Variants in CHL1 observed in about 807,000 individuals in gnomAD.
The protein encoded by CHL1 is cell adhesion molecule L1 like.
In CHL1, 96 loss-of-function variants were observed where a neutral mutation model predicts 141.9. The observed-to-expected ratio is 0.68, with a 90% CI of 0.57 to 0.80. The LOEUF (loss-of-function observed/expected upper bound fraction) is 0.80. Ranked by LOEUF, CHL1 falls within the 30% of genes least tolerant of loss-of-function variation. CHL1 has a pLI of 0.00. For synonymous variants in CHL1, 613 were observed against 502.2 expected (o/e 1.22, Z -2.95); for missense variants, 1,820 against 1,457.2 (o/e 1.25, Z -4.05).
chr3:290,474 T>G (rs2125336725), intron 2 of CHL1, among the ~76,000 whole-genome samples: 1 of 152,332 alleles, frequency 6.6e-6, no homozygotes, highest in East Asian at 1.9e-4. Flanking sequence ...GAGCTCCTTT[T>G]AGTCATCAGA....
At chr3:403,025 G>C (rs932936231) in intron 27 of CHL1, among the ~76,000 whole-genome samples, 17 of 152,306 alleles carry the variant, frequency 1.1e-4, no homozygotes, top group African/African-American at 1.7e-4. Context: ...TTGCAGCAAG[G>C]TTTTGACCAG....
At chr3:355,134 T>G (rs1703601391) in intron 11 of CHL1, among the ~76,000 whole-genome samples, 1 of 152,196 alleles carries the variant, frequency 6.6e-6, no homozygotes. Flanking sequence ...GGGCACAGGT[T>G]CAAAGTCAGG....
At chr3:243,105 C>T (rs1179407438) in intron 1 of CHL1, among the ~76,000 whole-genome samples, 1 of 152,144 alleles carries the variant, frequency 6.6e-6, no homozygotes, top group Non-Finnish European at 1.5e-5. Context: ...CATTCTTTAT[C>T]ACTGGGATAA....
At chr3:403,730 C>G (rs895153408) in intron 27 of CHL1, among the ~76,000 whole-genome samples, 2 of 152,084 alleles carry the variant, frequency 1.3e-5, no homozygotes. Context: ...CTATGACATC[C>G]CTTTATAGTA....
In CHL1 at chr3:328,344, T is replaced by C; in HGVS notation, c.375T>C (p.Phe125=). The change falls in exon 5 of 28, where the codon TTT becomes TTC. Residue 125 remains phenylalanine, a synonymous_variant. Transcript: ENST00000256509. ...TCGCTATGTCAGAAGAAATAGAATTTATAGTTCCAAGTAAGTACTATAACG... is the reference window on the plus strand; with the variant it reads ...TCGCTATGTCAGAAGAAATAGAATTCATAGTTCCAAGTAAGTACTATAACG... ...LGIAMSEEIE[F]IVPSVPKFPK... 5 of 1,610,638 alleles carry C rather than the reference T, an allele frequency of 3.1e-6. No homozygotes were observed.
At chr3:202,646 G>C (rs73814172) in intron 1 of CHL1, among the ~76,000 whole-genome samples, 1 of 152,072 alleles carries the variant, frequency 6.6e-6, no homozygotes, top group Non-Finnish European at 1.5e-5. Flanking sequence ...TTAGATTTGC[G>C]TACGCCGTCC....
At chr3:302,658 G>T (rs532535210) in intron 2 of CHL1, among the ~76,000 whole-genome samples, 4 of 152,158 alleles carry the variant, frequency 2.6e-5, no homozygotes, top group African/African-American at 9.6e-5. Flanking sequence ...TCGTCAGATG[G>T]ATAAATTGCA....
intron 26 of CHL1, among the ~76,000 whole-genome samples, chr3:399,502 T>C (rs1476253943): frequency 6.6e-6 from 1 of 152,056 alleles, no homozygotes; most frequent in African/African-American, 2.4e-5. Context: ...TAGCCGGGCA[T>C]GGTGGCAGCT....
chr3:382,407 A>G, intron 17 of CHL1, 67 bp from the exon 18 acceptor site: 1 of 1,494,352 alleles, frequency 6.7e-7, no homozygotes, highest in South Asian at 1.1e-5. Context: ...AATATTGAGT[A>G]TAAATTTTGG....
chr3:235,125 G>T (rs924766795), intron 1 of CHL1, among the ~76,000 whole-genome samples: 1 of 151,788 alleles, frequency 6.6e-6, no homozygotes. Flanking sequence ...CTAGCATTAG[G>T]TATATCTCCC....
chr3:236,886 G>A lies in CHL1; in HGVS notation c.-174-7727G>A, dbSNP rs535420363. ...TTAAAAAATAATCATAGACTTTTAGGGCAAAAAAAAAAACCTTGTAAATAG... is the reference window on the plus strand; with the variant it reads ...TTAAAAAATAATCATAGACTTTTAGAGCAAAAAAAAAAACCTTGTAAATAG... On this transcript the variant is annotated intron_variant, in intron 1 of 27. Transcript: ENST00000256509. 1.1e-4 allele frequency among the ~76,000 whole-genome samples: 11 copies of A among 96,570 alleles called. No individual in the cohort carries two copies. In the South Asian group the frequency reaches 2.6e-3, roughly 23 times the overall value. The allele number at this position is 96,570 out of a possible 152,430, so 63.4% of individuals were successfully genotyped here.
At chr3:266,515 A>T (rs1163087936) in intron 2 of CHL1, among the ~76,000 whole-genome samples, 1 of 152,172 alleles carries the variant, frequency 6.6e-6, no homozygotes, top group Non-Finnish European at 1.5e-5. Flanking sequence ...TTCCTGAGGT[A>T]CAAGTTTGCT....
chr3:255,747 T>G (rs778835592), intron 2 of CHL1, among the ~76,000 whole-genome samples: 1 of 152,222 alleles, frequency 6.6e-6, no homozygotes, highest in African/African-American at 2.4e-5. Flanking sequence ...CGCCTTTGAC[T>G]GCCTATTGCC....
intron 2 of CHL1, among the ~76,000 whole-genome samples, chr3:252,078 G>T (rs2125143214): frequency 6.6e-6 from 1 of 152,046 alleles, no homozygotes; most frequent in East Asian, 1.9e-4. Context: ...CCAGAAATTT[G>T]TGTTACTTGT....
intron 2 of CHL1, among the ~76,000 whole-genome samples, chr3:314,077 T>G (rs1169268990): frequency 6.6e-6 from 1 of 151,976 alleles, no homozygotes; most frequent in Non-Finnish European, 1.5e-5. Context: ...AAGAAAGTCT[T>G]TTTTTCTGTT....
chr3:329,260 T>G (rs1195210946), intron 5 of CHL1, among the ~76,000 whole-genome samples: 2 of 152,074 alleles, frequency 1.3e-5, no homozygotes, highest in Non-Finnish European at 2.9e-5. Flanking sequence ...ATTCGGTAAT[T>G]TCTTCTTTTA....
chr3:238,001 T>C (rs1028212982), intron 1 of CHL1, among the ~76,000 whole-genome samples: 1 of 152,192 alleles, frequency 6.6e-6, no homozygotes, highest in African/African-American at 2.4e-5. Flanking sequence ...ATTAACAAAG[T>C]ATCGTATTTT....
chr3:213,141 A>G (rs1700033316), intron 1 of CHL1: 1 of 152,232 alleles, frequency 6.6e-6, no homozygotes, highest in Non-Finnish European at 1.5e-5. Context: ...TAGGGAGATT[A>G]GAAAAGTTAA....
chr3:228,485 AC>A (rs1218224369), intron 1 of CHL1, among the ~76,000 whole-genome samples: 2 of 152,070 alleles, frequency 1.3e-5, no homozygotes, highest in East Asian at 3.9e-4. Context: ...GTGTACACAC[AC>A]ACACACACAC....
Sources: gnomAD v4.1 joint callset for allele counts (sites outside exome capture counted in the v4.1 genomes callset) on GRCh38, gnomAD v4.1.1 for gene constraint, MANE v1.5 for transcripts, NCBI Gene and HGNC (gene_info 2026-07-23, HGNC 2026-07-21) for gene names.